Variants in OR2AJ1 observed in about 807,000 individuals in gnomAD.
OR2AJ1 encodes the protein olfactory receptor family 2 subfamily AJ member 1.
For missense variants in OR2AJ1, 280 were observed against 163.2 expected, an observed-to-expected ratio of 1.72 and a Z score of -3.90; for synonymous variants, 105 against 60.3, an observed-to-expected ratio of 1.74 and a Z score of -3.44.
chr1:247,934,781 T>C lies in OR2AJ1; in HGVS notation c.*26T>C. On this transcript the variant is annotated 3_prime_UTR_variant, in exon 2 of 2. Coordinates refer to ENST00000318244, the MANE Select transcript of OR2AJ1 (RefSeq NM_001355235.2). ...ATGCCTGAAGGATACTCATGAGAGG[T>C]TTCCTAGAAAGAAATCAAAGCTTCT... 1.6e-6 allele frequency: 1 copy of C among 642,828 alleles called. No individual in the cohort carries two copies. The highest frequency in any genetic ancestry group is 1.8e-5 in the South Asian group (1 of 55,684). 39.8% of individuals were successfully genotyped at this position (642,828 alleles called of 1,614,324 possible). A position where few individuals can be genotyped will look rare whatever the true frequency, so the allele number is the denominator to read the frequency against.
intron 1 of OR2AJ1, among the ~76,000 whole-genome samples, chr1:247,933,024 A>G (rs1436295072): frequency 6.6e-6 from 1 of 152,226 alleles, no homozygotes; most frequent in East Asian, 1.9e-4. Flanking sequence ...CAAATTATAA[A>G]CATATTGAGT....
intron 1 of OR2AJ1, among the ~76,000 whole-genome samples, chr1:247,927,801 T>G (rs1375341721): frequency 6.6e-6 from 1 of 152,178 alleles, no homozygotes; most frequent in Non-Finnish European, 1.5e-5. Flanking sequence ...CCTGGTTTAT[T>G]GAACTCAACA....
chr1:247,928,655 C>T (rs1293583429), intron 1 of OR2AJ1, among the ~76,000 whole-genome samples: 1 of 152,112 alleles, frequency 6.6e-6, no homozygotes. Flanking sequence ...TGATTTTGGC[C>T]AATCAGGGCA....
Position 247,934,664 on chromosome 1 carries a change from C to A in OR2AJ1, c.896C>A (p.Ala299Glu), listed in dbSNP as rs1434343802. 5.6e-6 allele frequency: 4 copies of A among 716,960 alleles called. No individual in the cohort carries two copies. Among genetic ancestry groups the A allele is most frequent in the Non-Finnish European group, 1.0e-5 (4 of 385,122 alleles). 44.4% of individuals were successfully genotyped at this position (716,960 alleles called of 1,614,324 possible). A position where few individuals can be genotyped will look rare whatever the true frequency, so the allele number is the denominator to read the frequency against. Residue 299 changes from alanine to glutamate, a missense_variant, in exon 2 of 2, where the codon GCG becomes GAG. Physicochemically the swap from Ala to Glu is moderately radical, Grantham distance 107. Coordinates refer to ENST00000318244, the MANE Select transcript of OR2AJ1 (RefSeq NM_001355235.2). ...IYSFRNKDVL[A>E]VMKNMLKSNF... ...AGCTTTAGGAATAAAGATGTTCTGG[C>A]GGTGATGAAAAATATGCTCAAAAGT...
At chr1:247,931,093 A>T (rs1014903026) in intron 1 of OR2AJ1, among the ~76,000 whole-genome samples, 3 of 152,240 alleles carry the variant, frequency 2.0e-5, no homozygotes, top group Non-Finnish European at 4.4e-5. Context: ...TAAAAATTAC[A>T]GAGCCACAAA....
In OR2AJ1 at chr1:247,934,967, C is replaced by T. The variant is rs1660201433; in HGVS notation, c.*212C>T. 2.3e-6 allele frequency: 1 copy of T among 438,466 alleles called. No homozygotes were observed. The highest frequency in any genetic ancestry group is 4.0e-6 in the Non-Finnish European group (1 of 250,106). The allele number at this position is 438,466 out of a possible 1,614,324, so 27.2% of individuals were successfully genotyped here. On this transcript the variant is annotated 3_prime_UTR_variant, in exon 2 of 2. Transcript: ENST00000318244. ...TACAGGAAGTAGAAGTTACCCAAGG[C>T]GTCCTATTCCCTAACACCAAAATTG...
chr1:247,925,990 T>C (rs914206587), intron 1 of OR2AJ1, among the ~76,000 whole-genome samples: 1 of 152,210 alleles, frequency 6.6e-6, no homozygotes, highest in Admixed American at 6.5e-5. Flanking sequence ...TGTGTAACAT[T>C]CTAATATAAT....
intron 1 of OR2AJ1, among the ~76,000 whole-genome samples, chr1:247,925,632 C>T (rs1162639831): frequency 1.3e-5 from 2 of 152,026 alleles, no homozygotes; most frequent in Non-Finnish European, 2.9e-5. Flanking sequence ...TGTGACCTAG[C>T]AGAATGTCTG....
rs2103006364 is a variant in OR2AJ1 at position 247,931,701 on chromosome 1, T to C, written c.-22-2046T>C. 2.0e-5 allele frequency among the ~76,000 whole-genome samples: 3 copies of C among 152,284 alleles called. No homozygotes were observed. The Middle Eastern group carries it at 0.01, about 518-fold the overall frequency. On this transcript the variant is annotated intron_variant, in intron 1 of 1. Transcript: ENST00000318244. ...GAATTTATGCATAGCTGAAAATATT[T>C]TTACATCAAAGACCACTAAAACAAT...
rs148143011 is a variant in OR2AJ1, at chr1:247,934,040, C to G, written c.272C>G (p.Thr91Ser). The G allele has an allele frequency of 2.8e-6, 2 of 717,614 alleles. No homozygotes were observed. The highest frequency in any genetic ancestry group is 2.7e-5 in the East Asian group (1 of 37,290). The allele number at this position is 717,614 out of a possible 1,614,324, so 44.5% of individuals were successfully genotyped here. ...ACTAACTTTCTGTCAGGCAGCAGAA[C>G]TATTTCATTTGCAGGTTGTGGGTTC... is the stretch of plus-strand genomic sequence containing the variant. ...MVTNFLSGSRTISFAGCGFQV... is the reference protein window; with the variant it reads ...MVTNFLSGSRSISFAGCGFQV... Residue 91 changes from threonine (T) to serine (S), a missense_variant, in exon 2 of 2, where the codon ACT becomes AGT. Physicochemically the swap from Thr to Ser is moderately conservative, Grantham distance 58 (BLOSUM62 1). Transcript: ENST00000318244.
At chr1:247,925,982 T>A (rs1660087363) in intron 1 of OR2AJ1, among the ~76,000 whole-genome samples, 1 of 152,210 alleles carries the variant, frequency 6.6e-6, no homozygotes, top group African/African-American at 2.4e-5. Flanking sequence ...ACACAAAATG[T>A]GTAACATTCT....
intron 1 of OR2AJ1, among the ~76,000 whole-genome samples, chr1:247,931,935 T>C (rs1454060897): frequency 6.6e-6 from 1 of 152,240 alleles, no homozygotes; most frequent in Non-Finnish European, 1.5e-5. Flanking sequence ...GCAGTGTTTA[T>C]TGATTTTGTA....
In OR2AJ1 at chr1:247,934,072, T is replaced by C; in HGVS notation, c.304T>C (p.Phe102Leu). The C allele has an allele frequency of 1.4e-6, 1 of 717,838 alleles. No individual in the cohort carries two copies. The highest frequency in any genetic ancestry group is 2.6e-6 in the Non-Finnish European group (1 of 385,176). The allele number at this position is 717,838 out of a possible 1,614,324, so 44.5% of individuals were successfully genotyped here. A position where few individuals can be genotyped will look rare whatever the true frequency, so the allele number is the denominator to read the frequency against. ...ATTTGCAGGTTGTGGGTTCCAGGTATTTCTGTCCCTCACCCTCCTGGGTGG... is the reference window on the plus strand; with the variant it reads ...ATTTGCAGGTTGTGGGTTCCAGGTACTTCTGTCCCTCACCCTCCTGGGTGG... ...ISFAGCGFQV[F>L]LSLTLLGGEC... The change falls in exon 2 of 2, where the codon TTT becomes CTT. Residue 102 changes from phenylalanine (F) to leucine (L), a missense_variant. Phe to Leu is a conservative substitution (Grantham distance 22). Coordinates refer to ENST00000318244, the MANE Select transcript of OR2AJ1 (RefSeq NM_001355235.2).
rs1335589137 is a variant in OR2AJ1, at chr1:247,934,745, T to C, written c.977T>C (p.Phe326Ser). ...ATTCCTGAATGTGTGTTCTGTCTAT[T>C]TCTATGTTAAATGCCTGAAGGATAC... ...RKIPECVFCL[F>S]LC is the part of the protein sequence containing the mutation. Residue 326 changes from phenylalanine (F) to serine (S), a missense_variant, in exon 2 of 2, where the codon TTT becomes TCT. Transcript: ENST00000318244. 1 of 701,576 alleles carries C rather than the reference T, an allele frequency of 1.4e-6. No homozygotes were observed. Among genetic ancestry groups the C allele is most frequent in the South Asian group, 1.5e-5 (1 of 65,998 alleles). The allele number at this position is 701,576 out of a possible 1,614,324, so 43.5% of individuals were successfully genotyped here.
rs1660072096 is a variant in OR2AJ1, at chr1:247,925,045, A to G, written c.-146A>G. The G allele has an allele frequency of 6.6e-6, 1 of 152,300 alleles. No homozygotes were observed. The highest frequency in any genetic ancestry group is 1.5e-5 in the Non-Finnish European group (1 of 68,116). The allele number at this position is 152,300 out of a possible 1,614,324, so 9.4% of individuals were successfully genotyped here. On this transcript the variant is annotated 5_prime_UTR_variant, in exon 1 of 2. Coordinates refer to ENST00000318244, the MANE Select transcript of OR2AJ1 (RefSeq NM_001355235.2). ...TCTGAGTCACTCTCAAGGACATGAC[A>G]TTGAAACAAACATCTGAGTAGCATG...
At chr1:247,930,799 A>G (rs1660144536) in intron 1 of OR2AJ1, among the ~76,000 whole-genome samples, 1 of 152,122 alleles carries the variant, frequency 6.6e-6, no homozygotes, top group Non-Finnish European at 1.5e-5. Flanking sequence ...TTATCATTTG[A>G]AGGAAGTGTG....
intron 1 of OR2AJ1, among the ~76,000 whole-genome samples, chr1:247,932,435 C>A (rs976469057): frequency 6.6e-6 from 1 of 152,164 alleles, no homozygotes; most frequent in African/African-American, 2.4e-5. Context: ...TTTTCTAACT[C>A]TTCTAGGTCA....
rs144696711 is a variant in OR2AJ1, at chr1:247,934,872, T to G, written c.*117T>G. On this transcript the variant is annotated 3_prime_UTR_variant, in exon 2 of 2. Transcript: ENST00000318244. ...TTAATAATAAACAATAATATGTGTT[T>G]GTGTTGTAAACACGTACCTCTAAAA... The G allele has an allele frequency of 3.3e-3, 1,952 of 592,458 alleles. 38 individuals are homozygous for G. In the African/African-American group the frequency reaches 0.033, roughly 10 times the overall value. The allele number at this position is 592,458 out of a possible 1,614,324, so 36.7% of individuals were successfully genotyped here.
intron 1 of OR2AJ1, among the ~76,000 whole-genome samples, chr1:247,931,580 A>G (rs1028971523): frequency 2.6e-5 from 4 of 152,212 alleles, no homozygotes; most frequent in African/African-American, 9.6e-5. Context: ...TAAATTGTGG[A>G]TTGCTTCCAA....
Sources: allele counts gnomAD v4.1 joint callset (sites outside exome capture counted in the v4.1 genomes callset), GRCh38; gene constraint gnomAD v4.1.1; transcripts MANE v1.5; gene names NCBI Gene and HGNC (gene_info 2026-07-23, HGNC 2026-07-21).